The following XYLT1 variants were observed in gnomAD, a reference collection of about 807,000 sequenced individuals.
The protein encoded by XYLT1 is beta-D-xylosyltransferase 1.
Under a neutral mutation model 91.3 loss-of-function variants are expected in XYLT1, and 36 were observed. The ratio of observed to expected loss-of-function variants is 0.39; its 90% CI spans 0.30 to 0.52. XYLT1 has a LOEUF of 0.52. Among genes scored for constraint, XYLT1 ranks in the 20% least tolerant of loss-of-function variants. The pLI, the probability that XYLT1 is intolerant of heterozygous loss-of-function variation, is 0.68. For missense variants in XYLT1, 1,242 were observed against 1,284.5 expected, an observed-to-expected ratio of 0.97 and a Z score of 0.51; for synonymous variants, 588 against 532.0, an observed-to-expected ratio of 1.11 and a Z score of -1.45.
intron 2 of XYLT1, among the ~76,000 whole-genome samples, chr16:17,287,612 T>C (rs921530937): frequency 1.3e-5 from 2 of 152,206 alleles, no homozygotes; most frequent in Non-Finnish European, 2.9e-5. Context: ...GCCAAAAGCT[T>C]GCCTCTGGGG....
intron 3 of XYLT1, among the ~76,000 whole-genome samples, chr16:17,215,987 G>C (rs1476254304): frequency 6.6e-6 from 1 of 152,230 alleles, no homozygotes; most frequent in Non-Finnish European, 1.5e-5. Context: ...GAAATTCCCA[G>C]ATGGGGTGGT....
chr16:17,366,716 A>C lies in XYLT1; in HGVS notation c.364-8666T>G, dbSNP rs141081025. On this transcript the variant is annotated intron_variant, in intron 1 of 11. Transcript: ENST00000261381. ...TCTTAAAACAAACAAACAAACAAACAAACCAACCTTACAAGAACTCCAGGA... is the reference window on the plus strand; with the variant it reads ...TCTTAAAACAAACAAACAAACAAACCAACCAACCTTACAAGAACTCCAGGA... Among the ~76,000 whole-genome samples, 442 of 152,220 alleles carry C rather than the reference A, an allele frequency of 2.9e-3. 3 individuals carry two copies. The highest frequency in any genetic ancestry group is 4.8e-3 in the Admixed American group (74 of 15,286).
intron 3 of XYLT1, among the ~76,000 whole-genome samples, chr16:17,252,134 A>G (rs1332357011): frequency 6.6e-6 from 1 of 152,168 alleles, no homozygotes; most frequent in Non-Finnish European, 1.5e-5. Flanking sequence ...CAGAAAAAAA[A>G]AAGTCATTGT....
intron 2 of XYLT1, among the ~76,000 whole-genome samples, chr16:17,336,190 C>T (rs1021556609): frequency 2.0e-5 from 3 of 152,198 alleles, no homozygotes; most frequent in Non-Finnish European, 1.5e-5. Context: ...CATTCAGTTC[C>T]GTGCCATGGA....
At chr16:17,286,859 T>A (rs996971182) in intron 2 of XYLT1, among the ~76,000 whole-genome samples, 8 of 152,140 alleles carry the variant, frequency 5.3e-5, no homozygotes, top group Non-Finnish European at 1.2e-4. Context: ...TGGGGAGTGT[T>A]TTCATTCCAA....
intron 1 of XYLT1, among the ~76,000 whole-genome samples, chr16:17,469,375 T>C (rs1210784321): frequency 2.0e-5 from 3 of 152,188 alleles, no homozygotes; most frequent in African/African-American, 2.4e-5. Flanking sequence ...ACACAACACA[T>C]TGGCTATGCC....
intron 2 of XYLT1, among the ~76,000 whole-genome samples, chr16:17,324,664 G>A (rs530072955): frequency 1.3e-5 from 2 of 152,300 alleles, no homozygotes; most frequent in South Asian, 2.1e-4. Flanking sequence ...AACGCTCTGA[G>A]TAGTCCTTTT....
intron 2 of XYLT1, chr16:17,338,478 A>C: frequency 2.2e-6 from 1 of 456,510 alleles, no homozygotes; most frequent in Non-Finnish European, 4.4e-6. Context: ...GGCTGGAAAG[A>C]CTTTATAAAG....
rs1242543084 is a variant in XYLT1, at chr16:17,375,714, G to A, written c.364-17664C>T. ...GCCGGGAACATGCTCCTGGGCCCTC[G>A]TGCCCATCAGATCAATCCCCACCGG... On this transcript the variant is annotated intron_variant, in intron 1 of 11. Coordinates refer to ENST00000261381, the MANE Select transcript of XYLT1 (RefSeq NM_022166.4). Among the ~76,000 whole-genome samples the A allele has an allele frequency of 2.6e-5, 4 of 152,318 alleles. No homozygotes were observed. In the East Asian group the frequency reaches 5.8e-4, roughly 22 times the overall value.
chr16:17,432,807 G>C (rs1293383302), intron 1 of XYLT1, among the ~76,000 whole-genome samples: 1 of 152,136 alleles, frequency 6.6e-6, no homozygotes, highest in African/African-American at 2.4e-5. Flanking sequence ...GGTTGTTCTA[G>C]AGGAGGCTAA....
At chr16:17,219,361 G>T (rs950332202) in intron 3 of XYLT1, among the ~76,000 whole-genome samples, 2 of 151,884 alleles carry the variant, frequency 1.3e-5, no homozygotes, top group Admixed American at 1.3e-4. Context: ...ACACACTGCA[G>T]GGCTGCACAC....
chr16:17,286,048 C>G (rs988967764), intron 2 of XYLT1, among the ~76,000 whole-genome samples: 1 of 152,130 alleles, frequency 6.6e-6, no homozygotes, highest in African/African-American at 2.4e-5. Context: ...CCACGTGCCT[C>G]TCTGCTAATC....
intron 7 of XYLT1, among the ~76,000 whole-genome samples, chr16:17,140,161 T>C (rs1216884394): frequency 6.6e-6 from 1 of 152,160 alleles, no homozygotes; most frequent in Non-Finnish European, 1.5e-5. Context: ...GGAATGTCAG[T>C]GACAATCCTT....
chr16:17,172,660 A>T (rs1373630102), intron 5 of XYLT1, among the ~76,000 whole-genome samples: 1 of 151,856 alleles, frequency 6.6e-6, no homozygotes. Flanking sequence ...TTTAATAGAG[A>T]TGGGGTTTTG....
chr16:17,368,563 A>ATT (rs1278537685), intron 1 of XYLT1, among the ~76,000 whole-genome samples: 5,038 of 130,312 alleles, frequency 0.039, 296 homozygotes, highest in African/African-American at 0.13. Flanking sequence ...GGATAGATAG[A>ATT]TTTTTTTTTT....
intron 2 of XYLT1, among the ~76,000 whole-genome samples, chr16:17,262,710 C>T (rs2033741089): frequency 6.6e-6 from 1 of 152,102 alleles, no homozygotes; most frequent in South Asian, 2.1e-4. Flanking sequence ...AATATCCAGC[C>T]ACACTCCTGC....
At chr16:17,144,492 G>A (rs1262966176) in intron 6 of XYLT1, among the ~76,000 whole-genome samples, 1 of 152,186 alleles carries the variant, frequency 6.6e-6, no homozygotes, top group African/African-American at 2.4e-5. Flanking sequence ...GGACTTGGTT[G>A]GTGGTCAGGG....
chr16:17,130,598 C>G (rs537846891), intron 9 of XYLT1, among the ~76,000 whole-genome samples: 3 of 152,128 alleles, frequency 2.0e-5, no homozygotes, highest in Non-Finnish European at 4.4e-5. Context: ...CTCAGCCTCC[C>G]GAGTAGCTGG....
chr16:17,108,726 C>A lies in XYLT1; in HGVS notation c.2849G>T (p.Gly950Val). 6.3e-7 allele frequency: 1 copy of A among 1,592,722 alleles called. No homozygotes were observed. Reference protein sequence around the residue: ...SFSPDPKSELGAVKPDGRLR With the variant: ...SFSPDPKSELVAVKPDGRLR ...GAGCCGGCCATCAGGTTTGACTGCC[C>A]CCAGCTCCGACTTGGGGTCAGGGCT... Residue 950 changes from glycine to valine, a missense_variant, in exon 12 of 12, where the codon GGG becomes GTG. Transcript: ENST00000261381.
Sources: gnomAD v4.1 joint callset for allele counts (sites outside exome capture counted in the v4.1 genomes callset) on GRCh38, gnomAD v4.1.1 for gene constraint, MANE v1.5 for transcripts, NCBI Gene and HGNC (gene_info 2026-07-23, HGNC 2026-07-21) for gene names.